Variants in ARMC2 observed in about 807,000 individuals in gnomAD.
ARMC2 encodes the protein armadillo repeat-containing protein 2.
In ARMC2, 67 loss-of-function variants were observed where a neutral mutation model predicts 90.3. The ratio of observed to expected loss-of-function variants is 0.74; its 90% confidence interval spans 0.61 to 0.91. The LOEUF (loss-of-function observed/expected upper bound fraction) is 0.91. Ranked by LOEUF, ARMC2 falls within the 40% of genes least tolerant of loss-of-function variation. The pLI, the probability that ARMC2 is intolerant of heterozygous loss-of-function variation, is 0.00. For synonymous variants in ARMC2, 393 were observed against 393.0 expected (o/e 1.00, Z 0.00); for missense variants, 920 against 1,030.9 (o/e 0.89, Z 1.47).
At chr6:108,907,636 C>G in intron 8 of ARMC2, 1 of 1,592,386 alleles carries the variant, frequency 6.3e-7, no homozygotes, top group Non-Finnish European at 8.6e-7. Context: ...GCCACTCGTG[C>G]TTGAGATGCT....
At chr6:108,908,042 A>C (rs1320298827) in intron 8 of ARMC2, among the ~76,000 whole-genome samples, 4 of 152,158 alleles carry the variant, frequency 2.6e-5, no homozygotes, top group African/African-American at 9.7e-5. Context: ...CATGTGTTAC[A>C]GTTTCTGAAG....
At chr6:108,991,570 T>A in the ARMC2 span, among the ~76,000 whole-genome samples, 1 of 152,144 alleles carries the variant, frequency 6.6e-6, no homozygotes, top group Non-Finnish European at 1.5e-5. Context: ...ATTAAACACA[T>A]CTATCACCCA....
intron 5 of ARMC2, among the ~76,000 whole-genome samples, chr6:108,888,847 GT>G (rs1770650523): frequency 1.3e-5 from 2 of 152,118 alleles, no homozygotes; most frequent in African/African-American, 4.8e-5. Context: ...CCTCAGATTA[GT>G]CCTTGTTCCT....
At chr6:108,984,082 G>A in the ARMC2 span, among the ~76,000 whole-genome samples, 3 of 152,140 alleles carry the variant, frequency 2.0e-5, no homozygotes, top group African/African-American at 7.2e-5. Flanking sequence ...AGGGATGTGG[G>A]TTGTGCACTC....
chr6:108,973,217 C>A (rs1183735311), intron 17 of ARMC2, 140 bp from the exon 18 acceptor site: 34 of 601,090 alleles, frequency 5.7e-5, no homozygotes, highest in Non-Finnish European at 8.2e-5. Flanking sequence ...GAGTAAAGAA[C>A]TTCTCTGAAA....
the ARMC2 span, chr6:109,008,931 AAAT>A: frequency 1.1e-4 from 104 of 989,626 alleles, no homozygotes; most frequent in African/African-American, 1.8e-3. Context: ...GAAGGTGGCT[AAAT>A]AATCTGTTTT....
rs1471591810 is a variant in ARMC2, at chr6:108,932,769, CTG to C, written c.1497-4130_1497-4129del. Among the ~76,000 whole-genome samples the C allele has an allele frequency of 5.2e-3, 794 of 151,896 alleles. 17 individuals carry two copies. Among genetic ancestry groups the C allele is most frequent in the African/African-American group, 0.018 (762 of 41,250 alleles). ...GGTCTCGATCTCCTGACCTCGTGAT[CTG>C]CCCGCCTCGGCCTCCCAAAGTGCTG... On this transcript the variant is annotated intron_variant, in intron 11 of 17. Coordinates refer to ENST00000392644, the MANE Select transcript of ARMC2 (RefSeq NM_032131.6).
intron 3 of ARMC2, among the ~76,000 whole-genome samples, chr6:108,868,027 A>G (rs1468198836): frequency 6.6e-6 from 1 of 152,114 alleles, no homozygotes; most frequent in Non-Finnish European, 1.5e-5. Flanking sequence ...TTTCCACCTA[A>G]CTTATTTAAA....
In ARMC2 at chr6:108,883,424, G is replaced by A. The variant is rs541879240; in HGVS notation, c.671+7074G>A. Among the ~76,000 whole-genome samples the A allele has an allele frequency of 4.0e-5, 6 of 151,724 alleles. No homozygotes were observed. In the East Asian group the frequency reaches 7.9e-4, roughly 20 times the overall value. On this transcript the variant is annotated intron_variant, in intron 5 of 17. Coordinates refer to ENST00000392644, the MANE Select transcript of ARMC2 (RefSeq NM_032131.6). ...TGAGTACAGTAATGATTTTGTTTTC[G>A]TATTGGATTAAAACTAAACAACTCT... is the stretch of plus-strand genomic sequence containing the variant.
chr6:108,991,503 A>G, the ARMC2 span, among the ~76,000 whole-genome samples: 2 of 152,110 alleles, frequency 1.3e-5, no homozygotes, highest in South Asian at 2.1e-4. Flanking sequence ...TGGTCTCTCA[A>G]AGTGCTGGGA....
chr6:108,868,569 G>A (rs1776069902), intron 3 of ARMC2, among the ~76,000 whole-genome samples: 1 of 152,108 alleles, frequency 6.6e-6, no homozygotes, highest in South Asian at 2.1e-4. Flanking sequence ...TGGGTAAACT[G>A]TTTTACTCAA....
intron 12 of ARMC2, among the ~76,000 whole-genome samples, chr6:108,942,526 T>C (rs565076186): frequency 1.1e-4 from 17 of 152,342 alleles, no homozygotes; most frequent in African/African-American, 3.8e-4. Context: ...TACTTGAATG[T>C]TGAGGCTTGG....
intron 10 of ARMC2, among the ~76,000 whole-genome samples, chr6:108,925,588 G>C (rs961040948): frequency 7.2e-5 from 11 of 152,228 alleles, no homozygotes; most frequent in African/African-American, 2.2e-4. Context: ...GTTGAGCCTT[G>C]TAGACCATGG....
rs150588266 is a variant in ARMC2 at position 108,851,174 on chromosome 6, C to T, written c.-44+2628C>T. On this transcript the variant is annotated intron_variant, in intron 1 of 17. Transcript: ENST00000392644. ...CAGAGTTCCCTCTTGTCCACACACA[C>T]CCTGTATGTCTTGATGCTCTGCGCT... is the stretch of plus-strand genomic sequence containing the variant. Among the ~76,000 whole-genome samples the T allele has an allele frequency of 4.6e-4, 70 of 152,230 alleles. 1 individual carries two copies. The highest frequency in any genetic ancestry group is 1.6e-3 in the African/African-American group (68 of 41,540).
At chr6:108,907,917 C>T (rs1235126477) in intron 8 of ARMC2, 10 of 1,530,028 alleles carry the variant, frequency 6.5e-6, no homozygotes, top group South Asian at 3.5e-5. Context: ...TTCTTAAGCC[C>T]GCTTATTTTC....
intron 13 of ARMC2, among the ~76,000 whole-genome samples, chr6:108,957,882 T>C (rs1777709755): frequency 1.3e-5 from 2 of 152,156 alleles, no homozygotes; most frequent in African/African-American, 4.8e-5. Context: ...GGAAGCAGTC[T>C]ATTGCCCCAA....
chr6:108,976,113 TC>T (rs1778979058), downstream of ARMC2, among the ~76,000 whole-genome samples: 1 of 152,250 alleles, frequency 6.6e-6, no homozygotes, highest in South Asian at 2.1e-4. Flanking sequence ...GCCTAGGTTT[TC>T]TTCTAGGGTT....
rs369170826 is a variant in ARMC2, at chr6:108,878,081, C to CA, written c.671+1739dup. Among the ~76,000 whole-genome samples the CA allele has an allele frequency of 4.2e-3, 636 of 151,206 alleles. 3 individuals are homozygous for CA. The highest frequency in any genetic ancestry group is 0.014 in the African/African-American group (596 of 41,232). ...GGGTGGAATTTTATTGGAGTGGTGC[C>CA]AAAAAAAAGTTTACGTAGTAGGATT... On this transcript the variant is annotated intron_variant, in intron 5 of 17. Transcript: ENST00000392644.
At chr6:108,901,021 C>T (rs897874233) in intron 7 of ARMC2, among the ~76,000 whole-genome samples, 15 of 147,240 alleles carry the variant, frequency 1.0e-4, no homozygotes, top group African/African-American at 3.6e-4. Context: ...AAATATATTG[C>T]ACAACATTGA....
Sources: gnomAD v4.1 joint callset for allele counts (sites outside exome capture counted in the v4.1 genomes callset) on GRCh38, gnomAD v4.1.1 for gene constraint, MANE v1.5 for transcripts, NCBI Gene and HGNC (gene_info 2026-07-23, HGNC 2026-07-21) for gene names.